The following KLRC3 variants were observed in gnomAD, a reference collection of about 807,000 sequenced individuals.
The protein encoded by KLRC3 is killer cell lectin like receptor C3.
A neutral mutation model predicts 23.6 loss-of-function variants in KLRC3; 16 were observed. The ratio of observed to expected loss-of-function variants is 0.68; its 90% CI spans 0.46 to 1.03. KLRC3 has a LOEUF of 1.03. Among genes scored for constraint, KLRC3 ranks in the 50% least tolerant of loss-of-function variants. The pLI is 0.00. For synonymous variants in KLRC3, 70 were observed against 71.8 expected (o/e 0.98, Z 0.13); for missense variants, 209 against 232.2 (o/e 0.90, Z 0.65).
chr12:10,414,726 A>G (rs1359329076), intron 6 of KLRC3, among the ~76,000 whole-genome samples: 1 of 151,558 alleles, frequency 6.6e-6, no homozygotes, highest in Non-Finnish European at 1.5e-5. Context: ...AAACCTGCAC[A>G]TTGTGCACAT....
chr12:10,419,574 A>C (rs1182868630), intron 2 of KLRC3: 1 of 1,162,086 alleles, frequency 8.6e-7, no homozygotes, highest in African/African-American at 1.6e-5. Flanking sequence ...TATTTGGGGA[A>C]GAATTGTTCT....
intron 6 of KLRC3, among the ~76,000 whole-genome samples, chr12:10,415,039 C>A (rs1306710197): frequency 6.6e-6 from 1 of 152,066 alleles, no homozygotes; most frequent in African/African-American, 2.4e-5. Context: ...AAAGAAAACC[C>A]CATACATTGA....
At position 10,412,448 on chromosome 12, in the gene KLRC3, T is replaced by C. The variant is rs1430840090; in HGVS notation, c.*124A>G. ...TTTTAAAACATCATCTAGTTAAAAA[T>C]AGGGAGGGCAGAAAAAGTAGATTTT... is the stretch of plus-strand genomic sequence containing the variant. On this transcript the variant is annotated 3_prime_UTR_variant, in exon 7 of 7. Coordinates refer to ENST00000396439, the MANE Select transcript of KLRC3 (RefSeq NM_002261.3). The C allele has an allele frequency of 1.5e-6, 1 of 668,850 alleles. No homozygotes were observed. Among genetic ancestry groups the C allele is most frequent in the African/African-American group, 1.8e-5 (1 of 54,870 alleles). The allele number at this position is 668,850 out of a possible 1,614,324, so 41.4% of individuals were successfully genotyped here. A position where few individuals can be genotyped will look rare whatever the true frequency, so the allele number is the denominator to read the frequency against.
chr12:10,415,570 C>A lies in KLRC3; in HGVS notation c.678+134G>T, dbSNP rs544756387. The stretch of plus-strand genomic sequence containing the variant: ...ATTTCAATAATTGATTTGGAATTTT[C>A]TTATTATTAGAGCAAATAACACAAT... On this transcript the variant is annotated intron_variant, in intron 6 of 6. Coordinates refer to ENST00000396439, the MANE Select transcript of KLRC3 (RefSeq NM_002261.3). The A allele has an allele frequency of 4.3e-5, 58 of 1,355,358 alleles. No homozygotes were observed. In the East Asian group the frequency reaches 1.2e-3, roughly 29 times the overall value. 84.0% of individuals were successfully genotyped at this position (1,355,358 alleles called of 1,614,324 possible). A position where few individuals can be genotyped will look rare whatever the true frequency, so the allele number is the denominator to read the frequency against.
chr12:10,418,321 T>G, intron 4 of KLRC3, 23 bp downstream of exon 4: 1 of 1,569,538 alleles, frequency 6.4e-7, no homozygotes, highest in South Asian at 1.1e-5. Context: ...TTTCATAAAA[T>G]GTTTGAAACA....
At chr12:10,418,663 T>C (rs116942149) in intron 3 of KLRC3, among the ~76,000 whole-genome samples, 165 bp from the exon 4 acceptor site, 1 of 152,286 alleles carries the variant, frequency 6.6e-6, no homozygotes, top group Non-Finnish European at 1.5e-5. Context: ...CATACACACA[T>C]ACACAGAAAA....
chr12:10,418,830 T>C (rs1863682039), intron 3 of KLRC3, among the ~76,000 whole-genome samples: 1 of 152,150 alleles, frequency 6.6e-6, no homozygotes, highest in South Asian at 2.1e-4. Flanking sequence ...AGGAGACTTC[T>C]GTTAATTGGG....
intron 6 of KLRC3, 194 bp downstream of exon 6, chr12:10,415,510 G>A (rs893814427): frequency 1.0e-5 from 9 of 896,454 alleles, no homozygotes; most frequent in South Asian, 8.3e-5. Flanking sequence ...ACTTAAATGC[G>A]AGGGTATCTG....
intron 6 of KLRC3, 22 bp from the exon 7 acceptor site, chr12:10,412,638 A>G: frequency 1.4e-6 from 1 of 699,864 alleles, no homozygotes. Flanking sequence ...TACGAAAATT[A>G]GCCAGCATGA....
In KLRC3 at chr12:10,415,448, A is replaced by G. The variant is rs2682500; in HGVS notation, c.678+256T>C. On this transcript the variant is annotated intron_variant, in intron 6 of 6. Coordinates refer to ENST00000396439, the MANE Select transcript of KLRC3 (RefSeq NM_002261.3). Reference sequence around the variant, plus strand: ...TATAAACTGACCAACATAACATGCAACTTTTAGGAAGCCTGAATGCCACAA... The same window carrying G: ...TATAAACTGACCAACATAACATGCAGCTTTTAGGAAGCCTGAATGCCACAA... 2,761 of 558,956 alleles carry G rather than the reference A, an allele frequency of 4.9e-3. 59 individuals are homozygous for G. Among genetic ancestry groups the G allele is most frequent in the African/African-American group, 0.049 (2,548 of 52,402 alleles). The allele number at this position is 558,956 out of a possible 1,614,324, so 34.6% of individuals were successfully genotyped here.
At chr12:10,420,043 T>C (rs1311041349) in intron 1 of KLRC3, 79 bp from the exon 2 acceptor site, 5 of 307,520 alleles carry the variant, frequency 1.6e-5, no homozygotes, top group Non-Finnish European at 3.0e-5. Context: ...AATTACATAC[T>C]AGAGAACCCA....
intron 6 of KLRC3, among the ~76,000 whole-genome samples, chr12:10,415,398 G>A (rs994076440): frequency 9.2e-5 from 14 of 152,092 alleles, no homozygotes; most frequent in Admixed American, 9.2e-4. Context: ...CTGTCTCCAT[G>A]GTTTTGCTTG....
In KLRC3 at chr12:10,416,651, C is replaced by A. The variant is rs549561329; in HGVS notation, c.587+16G>T. The A allele has an allele frequency of 4.5e-5, 73 of 1,607,076 alleles. 1 individual carries two copies. In the African/African-American group the frequency reaches 7.8e-4, roughly 17 times the overall value. ...CCTTTATATTTTTTTATATAGCACC[C>A]TATAAAACAACTTACTCATGTTTGA... On this transcript the variant is annotated intron_variant, in intron 5 of 6. Coordinates refer to ENST00000396439, the MANE Select transcript of KLRC3 (RefSeq NM_002261.3).
chr12:10,417,086 A>C (rs1006456864), intron 4 of KLRC3, among the ~76,000 whole-genome samples: 26 of 151,990 alleles, frequency 1.7e-4, no homozygotes, highest in African/African-American at 6.3e-4. Context: ...TTTGTGCTAT[A>C]TTTCTCAGAG....
chr12:10,419,488 T>A, intron 2 of KLRC3: 1 of 648,056 alleles, frequency 1.5e-6, no homozygotes, highest in Non-Finnish European at 2.5e-6. Flanking sequence ...AAATTCAGAA[T>A]AACCATATTA....
At position 10,420,482 on chromosome 12, in the gene KLRC3, T is replaced by C; in HGVS notation, c.69A>G (p.Lys23=). Residue 23 remains lysine, a synonymous_variant, in exon 1 of 7, where the codon AAA becomes AAG. Transcript: ENST00000396439. ...AAATGGAGCTTTTATTGCCTTTAGGTTTCCTTTGCTGCCACTTTGGGTCCT... is the reference window on the plus strand; with the variant it reads ...AAATGGAGCTTTTATTGCCTTTAGGCTTCCTTTGCTGCCACTTTGGGTCCT... ...LAQDPKWQQR[K]PKGNKSSISG... 1 of 1,612,394 alleles carries C rather than the reference T, an allele frequency of 6.2e-7. No homozygotes were observed. Among genetic ancestry groups the C allele is most frequent in the Non-Finnish European group, 8.5e-7 (1 of 1,179,426 alleles).
At chr12:10,414,585 GA>G (rs150900367) in intron 6 of KLRC3, among the ~76,000 whole-genome samples, 8,733 of 125,952 alleles carry the variant, frequency 0.069, 599 homozygotes, top group South Asian at 0.28. Context: ...ACAGGCAGGG[GA>G]ACATCACACA....
intron 4 of KLRC3, 129 bp downstream of exon 4, chr12:10,418,215 C>A: frequency 1.1e-6 from 1 of 896,214 alleles, no homozygotes; most frequent in Non-Finnish European, 1.7e-6. Flanking sequence ...TTAAGTCAAT[C>A]AACTGAATAA....
intron 5 of KLRC3, among the ~76,000 whole-genome samples, chr12:10,416,068 G>A (rs531790242): frequency 6.6e-6 from 1 of 152,256 alleles, no homozygotes; most frequent in East Asian, 1.9e-4. Flanking sequence ...CTGTGATAAA[G>A]TTTAATTTAA....
Sources: allele counts gnomAD v4.1 joint callset (sites outside exome capture counted in the v4.1 genomes callset), GRCh38; gene constraint gnomAD v4.1.1; transcripts MANE v1.5; gene names NCBI Gene and HGNC (gene_info 2026-07-23, HGNC 2026-07-21).